Variants in COP1 observed in about 807,000 individuals in gnomAD.
COP1 encodes the protein E3 ubiquitin-protein ligase COP1.
Under a neutral mutation model 101.3 loss-of-function variants are expected in COP1, and 24 were observed. The ratio of observed to expected loss-of-function variants is 0.24; its 90% CI spans 0.17 to 0.33. The LOEUF is 0.33. Among genes scored for constraint, COP1 ranks in the 10% least tolerant of loss-of-function variants. The pLI is 1.00. For missense variants in COP1, 663 were observed against 906.2 expected (o/e 0.73, Z 3.45); for synonymous variants, 347 against 341.9 (o/e 1.01, Z -0.17).
intron 18 of COP1, among the ~76,000 whole-genome samples, chr1:175,971,031 G>C (rs926304052): frequency 2.0e-5 from 3 of 152,106 alleles, no homozygotes; most frequent in African/African-American, 4.8e-5. Flanking sequence ...ATGAAAAGCA[G>C]AAACGAAAAC....
intron 5 of COP1, among the ~76,000 whole-genome samples, chr1:176,150,215 A>T (rs528756346): frequency 3.9e-5 from 6 of 152,200 alleles, no homozygotes; most frequent in Non-Finnish European, 8.8e-5. Context: ...CCTCTTGCAG[A>T]TCTTTGGATT....
At chr1:176,203,323 C>A (rs1466708457) in intron 1 of COP1, among the ~76,000 whole-genome samples, 2 of 151,754 alleles carry the variant, frequency 1.3e-5, no homozygotes. Context: ...GGCAGCAGAG[C>A]GAGACTCCGT....
At chr1:176,021,756 T>A (rs1422532139) in intron 15 of COP1, among the ~76,000 whole-genome samples, 1 of 152,178 alleles carries the variant, frequency 6.6e-6, no homozygotes, top group African/African-American at 2.4e-5. Flanking sequence ...ACAAATTCAT[T>A]ATGGGAAGCT....
chr1:176,144,291 C>A (rs1322766970), intron 6 of COP1, among the ~76,000 whole-genome samples: 1 of 151,910 alleles, frequency 6.6e-6, no homozygotes, highest in Non-Finnish European at 1.5e-5. Context: ...TAAAACCCAC[C>A]TGTATTTCTA....
At chr1:176,155,652 T>C (rs1362751699) in intron 5 of COP1, among the ~76,000 whole-genome samples, 1 of 151,684 alleles carries the variant, frequency 6.6e-6, no homozygotes, top group Non-Finnish European at 1.5e-5. Flanking sequence ...AAAGAACAGA[T>C]CCTCTTGTTG....
chr1:176,021,847 A>G (rs1052824975), intron 15 of COP1, among the ~76,000 whole-genome samples: 16 of 152,204 alleles, frequency 1.1e-4, no homozygotes, highest in Admixed American at 8.5e-4. Flanking sequence ...AAGCATAAAA[A>G]ATCATTTTAA....
intron 11 of COP1, among the ~76,000 whole-genome samples, chr1:176,065,641 C>G (rs934500429): frequency 1.3e-5 from 2 of 150,792 alleles, no homozygotes; most frequent in African/African-American, 4.9e-5. Context: ...GAAAGCAGAA[C>G]ATAAACTCCT....
intron 9 of COP1, among the ~76,000 whole-genome samples, chr1:176,088,996 CAAA>C (rs71129551): frequency 7.2e-6 from 1 of 139,194 alleles, no homozygotes; most frequent in Non-Finnish European, 1.5e-5. Context: ...ACTCAGTCTC[CAAA>C]AAAAAAAAAA....
At chr1:176,001,128 T>C (rs1475647532) in intron 15 of COP1, among the ~76,000 whole-genome samples, 2 of 152,108 alleles carry the variant, frequency 1.3e-5, no homozygotes, top group Non-Finnish European at 2.9e-5. Flanking sequence ...CATTTAATTT[T>C]ACATGAACAC....
intron 2 of COP1, among the ~76,000 whole-genome samples, chr1:176,181,371 C>T (rs1697725516): frequency 1.3e-5 from 2 of 151,820 alleles, no homozygotes; most frequent in Admixed American, 6.6e-5. Context: ...AGTTCCATAG[C>T]CCTCACATGT....
chr1:176,007,081 C>T lies in COP1; in HGVS notation c.1730-17602G>A, dbSNP rs138582810. Among the ~76,000 whole-genome samples the T allele has an allele frequency of 5.9e-3, 900 of 152,262 alleles. 12 individuals carry two copies. The highest frequency in any genetic ancestry group is 0.021 in the African/African-American group (864 of 41,546). On this transcript the variant is annotated intron_variant, in intron 15 of 19. Transcript: ENST00000367669. ...TCTTTTTTCTCTAAACTTCCCATCTCGCTTCATTTCATTCATCTTCCATCG... is the reference window on the plus strand; with the variant it reads ...TCTTTTTTCTCTAAACTTCCCATCTTGCTTCATTTCATTCATCTTCCATCG...
chr1:175,953,615 T>C (rs1055371288), intron 18 of COP1, among the ~76,000 whole-genome samples: 2 of 151,640 alleles, frequency 1.3e-5, no homozygotes, highest in Non-Finnish European at 2.9e-5. Flanking sequence ...AAGGAAACAC[T>C]TTAAACATAA....
chr1:176,116,311 G>A (rs1023234054), intron 9 of COP1, among the ~76,000 whole-genome samples: 7 of 152,096 alleles, frequency 4.6e-5, no homozygotes, highest in African/African-American at 1.4e-4. Flanking sequence ...AGCCTAGGAG[G>A]TCAAGGCTAC....
Position 176,022,749 on chromosome 1 carries a change from A to G in COP1, c.1729+4823T>C, listed in dbSNP as rs746858455. Among the ~76,000 whole-genome samples the G allele has an allele frequency of 7.2e-5, 11 of 152,306 alleles. No individual in the cohort carries two copies. The South Asian group carries it at 8.3e-4, about 11-fold the overall frequency. The stretch of plus-strand genomic sequence containing the variant: ...TATCCCCTGCTTCAGACCGAGGAAA[A>G]TTAGCTCATACCTAACCTCAATGTG... On this transcript the variant is annotated intron_variant, in intron 15 of 19. Coordinates refer to ENST00000367669, the MANE Select transcript of COP1 (RefSeq NM_022457.7).
intron 11 of COP1, among the ~76,000 whole-genome samples, chr1:176,058,804 A>C (rs185501788): frequency 9.3e-5 from 14 of 151,088 alleles, no homozygotes; most frequent in Admixed American, 2.0e-4. Context: ...CCCATATATG[A>C]ACCTGAAACT....
intron 7 of COP1, among the ~76,000 whole-genome samples, chr1:176,135,583 G>A (rs1324331710): frequency 6.6e-6 from 1 of 151,926 alleles, no homozygotes; most frequent in African/African-American, 2.4e-5. Context: ...CAAATATTAA[G>A]ATTGAAATAT....
chr1:176,006,748 G>C (rs1177101341), intron 15 of COP1, among the ~76,000 whole-genome samples: 1 of 152,134 alleles, frequency 6.6e-6, no homozygotes, highest in South Asian at 2.1e-4. Context: ...CCCTTTGTAG[G>C]TAACCCGACC....
At chr1:176,002,223 G>C (rs547548727) in intron 15 of COP1, among the ~76,000 whole-genome samples, 2 of 152,076 alleles carry the variant, frequency 1.3e-5, no homozygotes, top group African/African-American at 4.8e-5. Context: ...ATGTTGGCAT[G>C]CTTGATGGTG....
At chr1:176,153,579 T>G in intron 5 of COP1, among the ~76,000 whole-genome samples, 1 of 152,200 alleles carries the variant, frequency 6.6e-6, no homozygotes, top group East Asian at 1.9e-4. Context: ...CCCCTTTCTT[T>G]CTTTCTATGC....
Sources: gnomAD v4.1 joint callset for allele counts (sites outside exome capture counted in the v4.1 genomes callset) on GRCh38, gnomAD v4.1.1 for gene constraint, MANE v1.5 for transcripts, NCBI Gene and HGNC (gene_info 2026-07-23, HGNC 2026-07-21) for gene names.